CARMIL3: variants seen among roughly 807,000 people sequenced by gnomAD.
The protein encoded by CARMIL3 is capping protein, Arp2/3 and myosin-I linker protein 3.
Under a neutral mutation model 180.8 loss-of-function variants are expected in CARMIL3, and 88 were observed. The observed-to-expected ratio is 0.49, with a 90% CI of 0.41 to 0.58. The LOEUF is 0.58. CARMIL3 is among the 20% of genes least tolerant of loss of function. CARMIL3 has a pLI of 0.00. For missense variants in CARMIL3, 1,548 were observed against 1,787.0 expected, an observed-to-expected ratio of 0.87 and a Z score of 2.41; for synonymous variants, 696 against 714.5, an observed-to-expected ratio of 0.97 and a Z score of 0.41.
rs748653738 is a variant in CARMIL3 at position 24,054,221 on chromosome 14, G to A, written c.187-21G>A. On this transcript the variant is annotated intron_variant, in intron 3 of 39. Coordinates refer to ENST00000342740, the MANE Select transcript of CARMIL3 (RefSeq NM_138360.4). This position sits in a 1 kb window ranked among gnomAD's most constrained non-coding sequence, Gnocchi z 5.1. ...GCAACCCAGGTCCTTACCAGGAGCT[G>A]AGCATCTCCATCCCTCCTAGGTGGA... The A allele has an allele frequency of 6.2e-7, 1 of 1,614,154 alleles. No individual in the cohort carries two copies. The highest frequency in any genetic ancestry group is 2.2e-5 in the East Asian group (1 of 44,868).
In CARMIL3 at chr14:24,066,413, C is replaced by T. The variant is rs1286480101; in HGVS notation, c.3541C>T (p.Gln1181Ter). The T allele has an allele frequency of 6.2e-7, 1 of 1,614,104 alleles. No homozygotes were observed. ...DGKREGPGPD[Q>*]EGSTQAWQKR... ...GTTCTTTCAGGGCCCAGGCCCAGAC[C>T]AGGAGGGCAGCACCCAGGCCTGGCA... Residue 1181 changes from glutamine (Q) to a stop codon, truncating the protein, a stop_gained, in exon 35 of 40, where the codon CAG (glutamine) becomes TAG (stop). Coordinates refer to ENST00000342740, the MANE Select transcript of CARMIL3 (RefSeq NM_138360.4). LOFTEE classifies it high-confidence loss of function.
Position 24,053,798 on chromosome 14 carries a change from G to T in CARMIL3, c.130G>T (p.Val44Leu), listed in dbSNP as rs369115210. Residue 44 changes from valine (V) to leucine (L), a missense_variant, in exon 2 of 40, where the codon GTG (valine) becomes TTG (leucine). By Grantham distance (32) the Val-to-Leu change is conservative. Transcript: ENST00000342740. The stretch of plus-strand genomic sequence containing the variant: ...AAAGCCCAAGAAGTTTGAGGACCGA[G>T]TGCTGGTGAGGGCACTGGGCATGTG... ...ETKPKKFEDRVLALTSWRLHL... is the reference protein window; with the variant it reads ...ETKPKKFEDRLLALTSWRLHL... 3.5e-5 allele frequency: 57 copies of T among 1,611,902 alleles called. No individual in the cohort carries two copies. Among genetic ancestry groups the T allele is most frequent in the African/African-American group, 5.3e-5 (4 of 74,910 alleles).
rs1260395730 is a variant in CARMIL3 at position 24,056,703 on chromosome 14, C to T, written c.947C>T (p.Pro316Leu). 6.2e-7 allele frequency: 1 copy of T among 1,612,822 alleles called. No individual in the cohort carries two copies. Among genetic ancestry groups the T allele is most frequent in the South Asian group, 1.1e-5 (1 of 91,090 alleles). Reference protein sequence around the residue: ...KLCLAKTAISPRGLQALGQTF... With the variant: ...KLCLAKTAISLRGLQALGQTF... ...TGCCTGGCCAAGACTGCCATTTCCC[C>T]TCGAGGTACTCGCACCAAGGACCCC... The change falls in exon 12 of 40, where the codon CCT (proline) becomes CTT (leucine). Residue 316 changes from proline (P) to leucine (L), a missense_variant. Physicochemically the swap from Pro to Leu is moderately conservative, Grantham distance 98. This residue lies in a region of CARMIL3 where 578 missense variants were observed against 666.5 expected (regional missense o/e 0.87). Coordinates refer to ENST00000342740, the MANE Select transcript of CARMIL3 (RefSeq NM_138360.4).
Position 24,054,596 on chromosome 14 carries a change from AAGG to A in CARMIL3, c.362+88_362+90del, listed in dbSNP as rs1167808221. 6.6e-7 allele frequency: 1 copy of A among 1,512,716 alleles called. No homozygotes were observed. Among genetic ancestry groups the A allele is most frequent in the African/African-American group, 1.4e-5 (1 of 72,674 alleles). The allele number at this position is 1,512,716 out of a possible 1,614,324, so 93.7% of individuals were successfully genotyped here. A position where few individuals can be genotyped will look rare whatever the true frequency, so the allele number is the denominator to read the frequency against. Reference sequence around the variant, plus strand: ...CTCCTTCCCCTGGGCCAGGGCTGAGAAGGAGAGCTCTCATGTCCCCACTCCTGG... The same window carrying A: ...CTCCTTCCCCTGGGCCAGGGCTGAGAAGAGCTCTCATGTCCCCACTCCTGG... On this transcript the variant is annotated intron_variant, in intron 5 of 39. Coordinates refer to ENST00000342740, the MANE Select transcript of CARMIL3 (RefSeq NM_138360.4). The surrounding 1 kb of genome is among the most constrained non-coding windows in gnomAD (Gnocchi z 5.1).
In CARMIL3 at chr14:24,069,597, C is replaced by A; in HGVS notation, c.*193C>A. 1.6e-6 allele frequency: 1 copy of A among 644,004 alleles called. No individual in the cohort carries two copies. The highest frequency in any genetic ancestry group is 2.7e-6 in the Non-Finnish European group (1 of 376,080). 39.9% of individuals were successfully genotyped at this position (644,004 alleles called of 1,614,324 possible). On this transcript the variant is annotated 3_prime_UTR_variant, in exon 40 of 40. Coordinates refer to ENST00000342740, the MANE Select transcript of CARMIL3 (RefSeq NM_138360.4). ...CCTGGAGAGACGGAGGCTGTCAGTG[C>A]CTGCCTCGATACCTCTCTCTGCAGA...
intron 1 of CARMIL3, 58 bp downstream of exon 1, chr14:24,052,251 C>T: frequency 6.6e-7 from 1 of 1,507,304 alleles, no homozygotes. Context: ...AGACCCAGCG[C>T]GTTCCTCCCC....
intron 36 of CARMIL3, among the ~76,000 whole-genome samples, chr14:24,066,993 C>T (rs1271398800): frequency 6.6e-6 from 1 of 152,196 alleles, no homozygotes; most frequent in Non-Finnish European, 1.5e-5. Flanking sequence ...CCTCTCTGCA[C>T]CTTGCTGGGA....
chr14:24,066,641 G>A lies in CARMIL3; in HGVS notation c.3667G>A (p.Ala1223Thr), dbSNP rs1169119020. ...CTTCAGCGCCATGCGCAGAGCAGAG[G>A]CCACATGGCACATAGGTATGGAAAG... ...PSFSAMRRAE[A>T]TWHIAEESAP... The change falls in exon 36 of 40, where the codon GCC becomes ACC. Residue 1223 changes from alanine (A) to threonine (T), a missense_variant. Around this residue, in one of 4 missense-constraint regions of CARMIL3, gnomAD observed 668 missense variants for 687.8 expected, o/e 0.97. Coordinates refer to ENST00000342740, the MANE Select transcript of CARMIL3 (RefSeq NM_138360.4). 2 of 1,614,178 alleles carry A rather than the reference G, an allele frequency of 1.2e-6. No individual in the cohort carries two copies. The highest frequency in any genetic ancestry group is 4.5e-5 in the East Asian group (2 of 44,894).
intron 36 of CARMIL3, among the ~76,000 whole-genome samples, chr14:24,068,311 C>T (rs1160636691): frequency 2.0e-5 from 3 of 151,340 alleles, no homozygotes; most frequent in Non-Finnish European, 2.9e-5. Context: ...ACAGGAGAAT[C>T]GCTCAAACCC....
intron 8 of CARMIL3, 101 bp from the exon 9 acceptor site, chr14:24,055,442 C>G: frequency 6.7e-7 from 1 of 1,491,750 alleles, no homozygotes; most frequent in Non-Finnish European, 9.3e-7. Flanking sequence ...CCCATCTACC[C>G]ATTTAGGCCT....
intron 27 of CARMIL3, chr14:24,062,109 G>T: frequency 2.8e-6 from 1 of 362,652 alleles, no homozygotes; most frequent in South Asian, 3.7e-5. Flanking sequence ...AAACAGCTAG[G>T]CCCAAGGAAG....
Position 24,054,765 on chromosome 14 carries a change from C to T in CARMIL3, c.417C>T (p.Ser139=), listed in dbSNP as rs137911294. 3 of 1,614,028 alleles carry T rather than the reference C, an allele frequency of 1.9e-6. No individual in the cohort carries two copies. In the African/African-American group the frequency reaches 4.0e-5, roughly 22 times the overall value. The change falls in exon 6 of 40, where the codon TCC becomes TCT. Residue 139 remains serine (S), a synonymous_variant. Coordinates refer to ENST00000342740, the MANE Select transcript of CARMIL3 (RefSeq NM_138360.4). This position sits in a 1 kb window ranked among gnomAD's most constrained non-coding sequence, Gnocchi z 5.1. ...ADTPEGPRDT[S]PNSETSTSTT... is the part of the protein sequence containing the mutation. ...CCCCAGAGGGGCCCCGAGATACATC[C>T]CCCAACTCTGAGACTTCCACATCTA...
At chr14:24,057,934 C>G (rs753248283) in intron 15 of CARMIL3, 26 bp from the exon 16 acceptor site, 3 of 1,613,184 alleles carry the variant, frequency 1.9e-6, no homozygotes, top group East Asian at 4.5e-5. Context: ...CCCCCTCCCT[C>G]GCTGACCCCA....
chr14:24,052,598 C>G (rs73603036), intron 1 of CARMIL3, among the ~76,000 whole-genome samples: 5,825 of 152,314 alleles, frequency 0.038, 377 homozygotes, highest in African/African-American at 0.13. Context: ...CTGACCGCTG[C>G]GTGGCTTAAC....
Position 24,059,050 on chromosome 14 carries a change from C to T in CARMIL3, c.1571+64C>T, listed in dbSNP as rs113469374. The T allele has an allele frequency of 6.7e-5, 107 of 1,598,192 alleles. 1 individual carries two copies. Among genetic ancestry groups the T allele is most frequent in the African/African-American group, 6.7e-4 (50 of 74,692 alleles). ...TCATTCACCCATCCTCTTGGCTCAC[C>T]GTATTACCTCTGGCCACCTCTCTCC... On this transcript the variant is annotated intron_variant, in intron 19 of 39. Transcript: ENST00000342740. The surrounding 1 kb of genome is among the most constrained non-coding windows in gnomAD (Gnocchi z 6.3).
In CARMIL3 at chr14:24,064,303, C is replaced by T. The variant is rs1217108745; in HGVS notation, c.3037C>T (p.Leu1013=). The T allele has an allele frequency of 6.2e-7, 1 of 1,612,836 alleles. No homozygotes were observed. Among genetic ancestry groups the T allele is most frequent in the African/African-American group, 1.3e-5 (1 of 74,888 alleles). ...GATGGCCACCCGCCTGGATGAAGGG[C>T]TGGAGGACTTCTTCAGCCGAAGGGT... is the stretch of plus-strand genomic sequence containing the variant. The part of the protein sequence containing the change: ...NGMATRLDEG[L]EDFFSRRVLE... The change falls in exon 32 of 40, where the codon CTG becomes TTG. Residue 1013 remains leucine, a synonymous_variant. Coordinates refer to ENST00000342740, the MANE Select transcript of CARMIL3 (RefSeq NM_138360.4).
At chr14:24,065,326 C>G in intron 33 of CARMIL3, 53 bp downstream of exon 33, 1 of 1,421,574 alleles carries the variant, frequency 7.0e-7, no homozygotes, top group Non-Finnish European at 9.3e-7. Flanking sequence ...CCACACTTAA[C>G]CCAGTCTCCT....
chr14:24,059,112 C>T lies in CARMIL3; in HGVS notation c.1572-23C>T. ...CATGACCCCAGCCCTTCCCCTCCTA[C>T]TCTGAGCCCCGCCTCCCTGCAGGAC... On this transcript the variant is annotated intron_variant, in intron 19 of 39. Transcript: ENST00000342740. This position sits in a 1 kb window ranked among gnomAD's most constrained non-coding sequence, Gnocchi z 6.3. The T allele has an allele frequency of 6.3e-7, 1 of 1,590,412 alleles. No individual in the cohort carries two copies. The highest frequency in any genetic ancestry group is 8.6e-7 in the Non-Finnish European group (1 of 1,168,648).
Position 24,064,985 on chromosome 14 carries a change from G to A in CARMIL3, c.3108G>A (p.Arg1036=). 1 of 1,612,218 alleles carries A rather than the reference G, an allele frequency of 6.2e-7. No homozygotes were observed. Among genetic ancestry groups the A allele is most frequent in the South Asian group, 1.1e-5 (1 of 91,040 alleles). Residue 1036 remains arginine, a synonymous_variant, in exon 33 of 40, where the codon CGG becomes CGA. Transcript: ENST00000342740. Reference sequence around the variant, plus strand: ...ACCCCCGGACTCTGAGGACCGTGCGGCCAGGACTCTCGGAGGCACCGCTGC... The same window carrying A: ...ACCCCCGGACTCTGAGGACCGTGCGACCAGGACTCTCGGAGGCACCGCTGC... ...SSYPRTLRTV[R]PGLSEAPLPP...
Sources: gnomAD v4.1 joint callset for allele counts (sites outside exome capture counted in the v4.1 genomes callset) on GRCh38, gnomAD v4.1.1 for gene constraint, gnomAD v4.1.1 regional missense constraint, Gnocchi (gnomAD v3.1) non-coding constraint, MANE v1.5 for transcripts, NCBI Gene and HGNC (gene_info 2026-07-23, HGNC 2026-07-21) for gene names.